ADNP2: variants seen among roughly 807,000 people sequenced by gnomAD.
ADNP2 encodes the protein activity-dependent neuroprotector homeobox protein 2.
Under a neutral mutation model 16.4 loss-of-function variants are expected in ADNP2, and 8 were observed. The observed-to-expected ratio is 0.49, with a 90% CI of 0.29 to 0.88. The LOEUF is 0.88. Among genes scored for constraint, ADNP2 ranks in the 40% least tolerant of loss-of-function variants. The pLI, the probability that ADNP2 is intolerant of heterozygous loss-of-function variation, is 0.09. For synonymous variants in ADNP2, 637 were observed against 545.8 expected (o/e 1.17, Z -2.33); for missense variants, 1,397 against 1,395.1 (o/e 1.00, Z -0.02).
intron 2 of ADNP2, among the ~76,000 whole-genome samples, chr18:80,132,090 A>C (rs1314588790): frequency 1.3e-5 from 2 of 152,192 alleles, no homozygotes; most frequent in Admixed American, 1.3e-4. Context: ...GGCTTTGCGT[A>C]CATATAGAGG....
intron 1 of ADNP2, among the ~76,000 whole-genome samples, chr18:80,114,558 A>G (rs750040877): frequency 1.6e-4 from 25 of 151,864 alleles, no homozygotes; most frequent in Non-Finnish European, 3.4e-4. Context: ...TACTACAAAC[A>G]AGAACATTCT....
chr18:80,114,731 T>G (rs1448034550), intron 1 of ADNP2, among the ~76,000 whole-genome samples: 4 of 152,196 alleles, frequency 2.6e-5, no homozygotes, highest in Non-Finnish European at 5.9e-5. Context: ...GGGTCAGTTC[T>G]ATTCAGACAG....
At chr18:80,111,791 C>A (rs142117011) in intron 1 of ADNP2, among the ~76,000 whole-genome samples, 1 of 152,112 alleles carries the variant, frequency 6.6e-6, no homozygotes, top group Non-Finnish European at 1.5e-5. Flanking sequence ...GTGATCTGCC[C>A]GCCTTAGCCT....
At chr18:80,134,874 A>C (rs1455722093) in intron 3 of ADNP2, among the ~76,000 whole-genome samples, 3 of 152,170 alleles carry the variant, frequency 2.0e-5, no homozygotes, top group Non-Finnish European at 2.9e-5. Context: ...GCATGGGCCA[A>C]ACACTGTCCA....
In ADNP2 at chr18:80,135,956, C is replaced by T. The variant is rs769369871; in HGVS notation, c.543C>T (p.Tyr181=). 8.1e-6 allele frequency: 13 copies of T among 1,614,096 alleles called. No individual in the cohort carries two copies. In the East Asian group the frequency reaches 1.3e-4, roughly 17 times the overall value. The stretch of plus-strand genomic sequence containing the variant: ...ATGTGCTGGTAGCCCATTTTCACTA[C>T]TTAATTAACTCCTACTTTGGCCTAA... ...KKHVLVAHFH[Y]LINSYFGLRT... is the part of the protein sequence containing the mutation. Residue 181 remains tyrosine, a synonymous_variant, in exon 4 of 4, where the codon TAC becomes TAT. Transcript: ENST00000262198.
chr18:80,134,386 A>AGTGTGTGTGT (rs34515123), intron 3 of ADNP2, among the ~76,000 whole-genome samples: 40 of 146,316 alleles, frequency 2.7e-4, no homozygotes, highest in East Asian at 1.0e-3. Context: ...AGAATGGAAG[A>AGTGTGTGTGT]GTGTGTGTGT....
chr18:80,134,470 C>T (rs958495652), intron 3 of ADNP2, among the ~76,000 whole-genome samples: 18 of 151,656 alleles, frequency 1.2e-4, no homozygotes, highest in African/African-American at 3.6e-4. Context: ...AGAATTAACC[C>T]TTGATCACTG....
intron 2 of ADNP2, among the ~76,000 whole-genome samples, chr18:80,121,939 C>CT (rs1409582238): frequency 6.6e-6 from 1 of 150,944 alleles, no homozygotes; most frequent in Non-Finnish European, 1.5e-5. Context: ...TTTTTTGAGA[C>CT]TGAGTCTTGC....
chr18:80,115,209 A>G (rs1568407952), intron 1 of ADNP2, among the ~76,000 whole-genome samples: 1 of 152,178 alleles, frequency 6.6e-6, no homozygotes, highest in African/African-American at 2.4e-5. Context: ...ATTGTCTCGT[A>G]TCTGGCCTAT....
chr18:80,138,424 C>A lies in ADNP2; in HGVS notation c.3011C>A (p.Ala1004Glu). The stretch of plus-strand genomic sequence containing the variant: ...CAGCCTCCCATCCTAAATGCCGATG[C>A]AGCCCCGGGTCCAGAAAAGGTGACG... Reference protein sequence around the residue: ...EEQPPILNADAAPGPEKVTSV... With the variant: ...EEQPPILNADEAPGPEKVTSV... Residue 1004 changes from alanine (A) to glutamate (E), a missense_variant, in exon 4 of 4, where the codon GCA (alanine) becomes GAA (glutamate). Coordinates refer to ENST00000262198, the MANE Select transcript of ADNP2 (RefSeq NM_014913.4). 5 of 1,614,034 alleles carry A rather than the reference C, an allele frequency of 3.1e-6. No individual in the cohort carries two copies. The highest frequency in any genetic ancestry group is 4.2e-6 in the Non-Finnish European group (5 of 1,180,020).
At chr18:80,125,642 C>CA (rs373000038) in intron 2 of ADNP2, among the ~76,000 whole-genome samples, 219 of 144,590 alleles carry the variant, frequency 1.5e-3, no homozygotes, top group Non-Finnish European at 1.9e-3. Flanking sequence ...GACTCCGTCT[C>CA]AAAAAAAAAA....
chr18:80,119,413 CAAAAAAAA>C (rs5826687), intron 2 of ADNP2, among the ~76,000 whole-genome samples: 3 of 113,686 alleles, frequency 2.6e-5, no homozygotes, highest in Non-Finnish European at 5.3e-5. Context: ...GACTCCGTCT[CAAAAAAAA>C]AAAAAAAAAA....
intron 2 of ADNP2, among the ~76,000 whole-genome samples, chr18:80,130,992 C>T (rs1031876428): frequency 1.4e-4 from 21 of 152,158 alleles, no homozygotes; most frequent in African/African-American, 5.1e-4. Flanking sequence ...GTGATGACTG[C>T]GAAAGGATGA....
chr18:80,136,766 A>T lies in ADNP2; in HGVS notation c.1353A>T (p.Ala451=). 3 of 1,597,470 alleles carry T rather than the reference A, an allele frequency of 1.9e-6. No homozygotes were observed. The highest frequency in any genetic ancestry group is 2.6e-6 in the Non-Finnish European group (3 of 1,169,754). The part of the protein sequence containing the change: ...SRAVPSGVLP[A]GQMTPAGQMT... ...CGGTCCCGTCTGGAGTCCTTCCTGC[A>T]GGCCAGATGACTCCTGCAGGCCAGA... Residue 451 remains alanine, a synonymous_variant, in exon 4 of 4, where the codon GCA becomes GCT. Coordinates refer to ENST00000262198, the MANE Select transcript of ADNP2 (RefSeq NM_014913.4).
intron 3 of ADNP2, chr18:80,133,695 T>G (rs1395205720): frequency 1.9e-5 from 3 of 161,350 alleles, no homozygotes; most frequent in African/African-American, 7.2e-5. Context: ...CCACCAGTTG[T>G]TAGCACCTTC....
intron 2 of ADNP2, among the ~76,000 whole-genome samples, chr18:80,128,773 A>G (rs546256394): frequency 2.0e-4 from 30 of 152,058 alleles, no homozygotes; most frequent in African/African-American, 7.0e-4. Flanking sequence ...TGTATTAACT[A>G]TTTTTCTGTA....
At chr18:80,121,836 G>C (rs1011320428) in intron 2 of ADNP2, among the ~76,000 whole-genome samples, 1 of 152,056 alleles carries the variant, frequency 6.6e-6, no homozygotes, top group African/African-American at 2.4e-5. Context: ...TTGAAAATCA[G>C]TTGGTCCTGG....
chr18:80,131,185 ATTTCTGGCCTCTGGACCCC>A (rs2052493803), intron 2 of ADNP2, among the ~76,000 whole-genome samples: 1 of 151,850 alleles, frequency 6.6e-6, no homozygotes, highest in Non-Finnish European at 1.5e-5. Context: ...CGGCTCATGC[ATTTCTGGCCTCTGGACCCC>A]TTTCTGGGAC....
At chr18:80,123,397 G>A (rs2052437561) in intron 2 of ADNP2, among the ~76,000 whole-genome samples, 1 of 151,888 alleles carries the variant, frequency 6.6e-6, no homozygotes, top group Non-Finnish European at 1.5e-5. Context: ...TTGAGAGGGA[G>A]TTGCGTTCTT....
Sources: allele counts gnomAD v4.1 joint callset (sites outside exome capture counted in the v4.1 genomes callset), GRCh38; gene constraint gnomAD v4.1.1; transcripts MANE v1.5; gene names NCBI Gene and HGNC (gene_info 2026-07-23, HGNC 2026-07-21).